Variants in FIGN observed in about 807,000 individuals in gnomAD.
FIGN encodes the protein fidgetin.
In FIGN, 11 loss-of-function variants were observed where a neutral mutation model predicts 51.3. The observed-to-expected ratio is 0.21, with a 90% CI of 0.13 to 0.35. FIGN has a LOEUF of 0.35. FIGN is among the 10% of genes least tolerant of loss of function. The pLI is 1.00. For synonymous variants in FIGN, 407 were observed against 363.2 expected (o/e 1.12, Z -1.37); for missense variants, 857 against 943.6 (o/e 0.91, Z 1.20).
intron 2 of FIGN, among the ~76,000 whole-genome samples, chr2:163,676,843 G>A (rs554497211): frequency 1.6e-4 from 24 of 151,864 alleles, no homozygotes; most frequent in Non-Finnish European, 3.1e-4. Context: ...ACAATTTAGA[G>A]GATATTCAGA....
intron 2 of FIGN, among the ~76,000 whole-genome samples, chr2:163,726,640 C>A (rs945795991): frequency 6.6e-6 from 1 of 151,930 alleles, no homozygotes. Context: ...TAAAGGAATA[C>A]CAAAAGTGTC....
At chr2:163,690,398 A>G (rs894170410) in intron 2 of FIGN, among the ~76,000 whole-genome samples, 2 of 152,134 alleles carry the variant, frequency 1.3e-5, no homozygotes, top group East Asian at 3.9e-4. Context: ...TGGACTAGCA[A>G]TCTCCAGCAG....
intron 2 of FIGN, among the ~76,000 whole-genome samples, chr2:163,728,172 C>G (rs1186626850): frequency 6.6e-6 from 1 of 151,958 alleles, no homozygotes; most frequent in East Asian, 1.9e-4. Flanking sequence ...GGGGTCTGCC[C>G]CCCCCTTCCT....
In FIGN at chr2:163,607,274, C is replaced by A. The variant is rs1277885116; in HGVS notation, c.*2278G>T. The A allele has an allele frequency of 6.6e-6, 1 of 152,188 alleles. No homozygotes were observed. The highest frequency in any genetic ancestry group is 2.4e-5 in the African/African-American group (1 of 41,452). The allele number at this position is 152,188 out of a possible 1,614,324, so 9.4% of individuals were successfully genotyped here. On this transcript the variant is annotated 3_prime_UTR_variant, in exon 3 of 3. Transcript: ENST00000333129. ...AGGGATGCACAGGGTAGACCCAGAA[C>A]ACGATTGTAGCATTTATTCACTTGC...
intron 2 of FIGN, among the ~76,000 whole-genome samples, chr2:163,702,711 CTATT>C (rs1684428159): frequency 6.6e-6 from 1 of 152,160 alleles, no homozygotes; most frequent in Admixed American, 6.6e-5. Context: ...TCTAACTTGA[CTATT>C]TAGCGATTCA....
rs777077620 is a variant in FIGN at position 163,611,726 on chromosome 2, C to T, written c.106G>A (p.Ala36Thr). The stretch of plus-strand genomic sequence containing the variant: ...CCTCTGTAGGCTTCAACTTTGTGGG[C>T]AGGAGACCGAGTGGTTGAGGTGATG... ...FDITSTTRSP[A>T]HKVEAYRGHL... The change falls in exon 3 of 3, where the codon GCC (alanine) becomes ACC (threonine). Residue 36 changes from alanine (A) to threonine (T), a missense_variant. By Grantham distance (58) the Ala-to-Thr change is moderately conservative. This residue lies in a region of FIGN where 56 missense variants were observed against 75.3 expected (regional missense o/e 0.74). Transcript: ENST00000333129. 3 of 1,614,134 alleles carry T rather than the reference C, an allele frequency of 1.9e-6. No individual in the cohort carries two copies. The highest frequency in any genetic ancestry group is 2.5e-6 in the Non-Finnish European group (3 of 1,180,004).
chr2:163,705,983 T>C (rs1363995686), intron 2 of FIGN, among the ~76,000 whole-genome samples: 1 of 152,304 alleles, frequency 6.6e-6, no homozygotes, highest in African/African-American at 2.4e-5. Flanking sequence ...CAAGAAAACC[T>C]TGCTGAAACC....
chr2:163,732,791 G>T (rs751308482), intron 2 of FIGN, among the ~76,000 whole-genome samples: 1 of 152,040 alleles, frequency 6.6e-6, no homozygotes, highest in African/African-American at 2.4e-5. Context: ...CTTCCACCTC[G>T]GACCTAACTT....
chr2:163,629,523 G>A (rs1309470642), intron 2 of FIGN, among the ~76,000 whole-genome samples: 2 of 151,932 alleles, frequency 1.3e-5, no homozygotes, highest in African/African-American at 2.4e-5. Flanking sequence ...ATGGAGCGGG[G>A]GATTTTTTTA....
chr2:163,612,440 G>C (rs1310531260), intron 2 of FIGN: 14 of 985,054 alleles, frequency 1.4e-5, no homozygotes, highest in Non-Finnish European at 1.7e-5. Flanking sequence ...ATCTAAAGTG[G>C]TCCACGACAG....
In FIGN at chr2:163,608,610, A is replaced by T. The variant is rs1484859108; in HGVS notation, c.*942T>A. On this transcript the variant is annotated 3_prime_UTR_variant, in exon 3 of 3. Transcript: ENST00000333129. The stretch of plus-strand genomic sequence containing the variant: ...CTTTTAAGAACATTTTCACTTAATT[A>T]TCAAGGAGCAATGTACTAAGAACTC... The T allele has an allele frequency of 1.3e-5, 2 of 152,270 alleles. No individual in the cohort carries two copies. Among genetic ancestry groups the T allele is most frequent in the Non-Finnish European group, 2.9e-5 (2 of 68,078 alleles). The allele number at this position is 152,270 out of a possible 1,614,324, so 9.4% of individuals were successfully genotyped here.
At chr2:163,725,524 T>C (rs1684825727) in intron 2 of FIGN, among the ~76,000 whole-genome samples, 1 of 152,100 alleles carries the variant, frequency 6.6e-6, no homozygotes, top group Admixed American at 6.5e-5. Context: ...CTGTGGCATT[T>C]TGCTGTAGTA....
intron 2 of FIGN, among the ~76,000 whole-genome samples, chr2:163,657,524 G>GTGTA: frequency 6.6e-6 from 1 of 150,596 alleles, no homozygotes; most frequent in Non-Finnish European, 1.5e-5. Flanking sequence ...GTGTGTGTGT[G>GTGTA]TGTGTGTGCA....
chr2:163,702,791 A>AC, intron 2 of FIGN, among the ~76,000 whole-genome samples: 1 of 152,250 alleles, frequency 6.6e-6, no homozygotes, highest in South Asian at 2.1e-4. Flanking sequence ...AGTTCTTTCC[A>AC]CCCCGAATAG....
chr2:163,631,765 G>C (rs779539918), intron 2 of FIGN, among the ~76,000 whole-genome samples: 29 of 152,160 alleles, frequency 1.9e-4, no homozygotes, highest in Non-Finnish European at 2.1e-4. Flanking sequence ...AATTTATTTT[G>C]TTCGCAGCTA....
chr2:163,630,769 T>C (rs1573914768), intron 2 of FIGN, among the ~76,000 whole-genome samples: 1 of 151,940 alleles, frequency 6.6e-6, no homozygotes, highest in Non-Finnish European at 1.5e-5. Context: ...AATACATAAA[T>C]CTATATGGAA....
At chr2:163,724,065 A>G (rs896466192) in intron 2 of FIGN, among the ~76,000 whole-genome samples, 1 of 152,188 alleles carries the variant, frequency 6.6e-6, no homozygotes, top group African/African-American at 2.4e-5. Context: ...CAAAACTGCA[A>G]GAAATCTTAG....
At chr2:163,667,070 T>G (rs1297556383) in intron 2 of FIGN, among the ~76,000 whole-genome samples, 1 of 152,118 alleles carries the variant, frequency 6.6e-6, no homozygotes, top group East Asian at 1.9e-4. Flanking sequence ...TCTCTATTTT[T>G]GGTTAGTGTC....
chr2:163,673,531 C>T (rs1203569647), intron 2 of FIGN, among the ~76,000 whole-genome samples: 1 of 152,094 alleles, frequency 6.6e-6, no homozygotes, highest in South Asian at 2.1e-4. Flanking sequence ...AAAAATTACT[C>T]TGCCAATTAC....
Sources: gnomAD v4.1 joint callset for allele counts (sites outside exome capture counted in the v4.1 genomes callset) on GRCh38, gnomAD v4.1.1 for gene constraint, gnomAD v4.1.1 regional missense constraint, MANE v1.5 for transcripts, NCBI Gene and HGNC (gene_info 2026-07-23, HGNC 2026-07-21) for gene names.